The following PCDH9 variants were observed in gnomAD, a reference collection of about 807,000 sequenced individuals.
PCDH9 encodes protocadherin-9.
In PCDH9, 24 loss-of-function variants were observed where a neutral mutation model predicts 70.6. That is an observed-to-expected ratio of 0.34 (90% confidence interval 0.25 to 0.48). The LOEUF is 0.48. PCDH9 is among the 20% of genes least tolerant of loss of function. The pLI, the probability that PCDH9 is intolerant of heterozygous loss-of-function variation, is 0.99. For missense variants in PCDH9, 1,281 were observed against 1,503.6 expected (o/e 0.85, Z 2.45); for synonymous variants, 562 against 558.5 (o/e 1.01, Z -0.09).
At chr13:66,408,922 T>C (rs1056810646) in intron 4 of PCDH9, among the ~76,000 whole-genome samples, 1 of 152,324 alleles carries the variant, frequency 6.6e-6, no homozygotes, top group South Asian at 2.1e-4. Flanking sequence ...GACAAAAATC[T>C]TCCTACTTCT....
intron 4 of PCDH9, among the ~76,000 whole-genome samples, chr13:66,405,930 A>G (rs1593924913): frequency 6.6e-6 from 1 of 152,000 alleles, no homozygotes; most frequent in Non-Finnish European, 1.5e-5. Context: ...ATTATGTATA[A>G]GGGACTGATT....
At chr13:66,988,844 C>T (rs1418783175) in intron 2 of PCDH9, among the ~76,000 whole-genome samples, 3 of 151,974 alleles carry the variant, frequency 2.0e-5, no homozygotes, top group Non-Finnish European at 4.4e-5. Flanking sequence ...GGTCTTGCTA[C>T]TCTTTATCCA....
chr13:67,009,090 C>A (rs2084406255), intron 2 of PCDH9, among the ~76,000 whole-genome samples: 1 of 152,056 alleles, frequency 6.6e-6, no homozygotes, highest in East Asian at 1.9e-4. Context: ...GCCTAACCTT[C>A]TACACAGTGA....
chr13:67,006,685 C>G (rs1019634799), intron 2 of PCDH9, among the ~76,000 whole-genome samples: 4 of 152,098 alleles, frequency 2.6e-5, no homozygotes, highest in African/African-American at 9.7e-5. Context: ...AAAAGTGTCT[C>G]TTTGGGAGTA....
chr13:66,958,952 C>T (rs2083303963), intron 2 of PCDH9, among the ~76,000 whole-genome samples: 1 of 152,170 alleles, frequency 6.6e-6, no homozygotes, highest in South Asian at 2.1e-4. Context: ...TGAAAACTTG[C>T]TGTTGTTTCT....
At chr13:66,696,783 C>CTTTT (rs34598874) in intron 3 of PCDH9, among the ~76,000 whole-genome samples, 1 of 126,124 alleles carries the variant, frequency 7.9e-6, no homozygotes, top group Admixed American at 8.6e-5. Flanking sequence ...TTCAGGCAAA[C>CTTTT]TTTTTTTTTT....
chr13:66,590,371 C>A (rs962770729), intron 4 of PCDH9, among the ~76,000 whole-genome samples: 7 of 151,820 alleles, frequency 4.6e-5, no homozygotes. Context: ...ATAACTCCAA[C>A]TAATATTCTA....
chr13:66,660,051 T>A (rs1376876497), intron 3 of PCDH9, among the ~76,000 whole-genome samples: 2 of 152,198 alleles, frequency 1.3e-5, no homozygotes, highest in Non-Finnish European at 2.9e-5. Context: ...CTTTCTCTTT[T>A]TCTCTCTAGC....
chr13:66,485,283 T>C (rs1316245214), intron 4 of PCDH9, among the ~76,000 whole-genome samples: 1 of 152,240 alleles, frequency 6.6e-6, no homozygotes, highest in African/African-American at 2.4e-5. Context: ...TCACAGTCTT[T>C]TCATGTACTA....
At chr13:66,664,123 GT>G (rs1451949527) in intron 3 of PCDH9, among the ~76,000 whole-genome samples, 3 of 152,182 alleles carry the variant, frequency 2.0e-5, no homozygotes, top group Middle Eastern at 3.2e-3. Flanking sequence ...TTGGCCTACA[GT>G]AATTTCCATC....
intron 4 of PCDH9, among the ~76,000 whole-genome samples, chr13:66,510,951 G>A (rs1959442000): frequency 6.6e-6 from 1 of 152,164 alleles, no homozygotes; most frequent in African/African-American, 2.4e-5. Flanking sequence ...TTAGTTAGGT[G>A]TAAACAACTA....
chr13:67,120,502 T>C (rs2138298198), intron 2 of PCDH9, among the ~76,000 whole-genome samples: 1 of 152,236 alleles, frequency 6.6e-6, no homozygotes. Context: ...CTTCTTTTTT[T>C]CTCCTTTTTG....
At chr13:66,433,120 T>G (rs1957802988) in intron 4 of PCDH9, among the ~76,000 whole-genome samples, 1 of 151,948 alleles carries the variant, frequency 6.6e-6, no homozygotes, top group South Asian at 2.1e-4. Context: ...TCATTTGAAA[T>G]GGAAGACAAA....
intron 3 of PCDH9, among the ~76,000 whole-genome samples, chr13:66,768,690 C>A (rs1038090437): frequency 6.6e-6 from 1 of 152,004 alleles, no homozygotes; most frequent in Non-Finnish European, 1.5e-5. Flanking sequence ...GTACCAGCTA[C>A]CAGAAAGCAA....
chr13:66,815,046 C>G (rs2080577197), intron 3 of PCDH9, among the ~76,000 whole-genome samples: 1 of 152,040 alleles, frequency 6.6e-6, no homozygotes, highest in Non-Finnish European at 1.5e-5. Flanking sequence ...CTATAAGTAA[C>G]TTAAACAAAT....
In PCDH9 at chr13:66,304,260, C is replaced by CAAAAAAAAAAA. The variant is rs55837718; in HGVS notation, c.*384_*394dup. 1.4e-4 allele frequency: 9 copies of CAAAAAAAAAAA among 65,366 alleles called. No homozygotes were observed. The highest frequency in any genetic ancestry group is 6.5e-4 in the South Asian group (1 of 1,546). The allele number at this position is 65,366 out of a possible 1,614,324, so 4.0% of individuals were successfully genotyped here. ...TAGCAGTCCCAGCACAAATCAATGA[C>CAAAAAAAAAAA]AAAAAAAAAAAAAAAAAAAAAAAAA... is the stretch of plus-strand genomic sequence containing the variant. On this transcript the variant is annotated 3_prime_UTR_variant, in exon 5 of 5. Coordinates refer to ENST00000377865, the MANE Select transcript of PCDH9 (RefSeq NM_203487.3).
intron 2 of PCDH9, among the ~76,000 whole-genome samples, chr13:67,025,890 A>G (rs1205755014): frequency 6.6e-6 from 1 of 152,194 alleles, no homozygotes; most frequent in Non-Finnish European, 1.5e-5. Context: ...ATTTATGCAT[A>G]TAAATGTATA....
At chr13:66,801,098 C>A (rs1182099588) in intron 3 of PCDH9, among the ~76,000 whole-genome samples, 3 of 147,766 alleles carry the variant, frequency 2.0e-5, no homozygotes, top group Admixed American at 6.9e-5. Context: ...GGATGTAGGT[C>A]TGTATATATC....
Position 66,416,380 on chromosome 13 carries a change from T to C in PCDH9, c.3341-111352A>G, listed in dbSNP as rs1282338973. 3.3e-5 allele frequency among the ~76,000 whole-genome samples: 5 copies of C among 151,808 alleles called. No individual in the cohort carries two copies. The East Asian group carries it at 9.7e-4, about 29-fold the overall frequency. On this transcript the variant is annotated intron_variant, in intron 4 of 4. Coordinates refer to ENST00000377865, the MANE Select transcript of PCDH9 (RefSeq NM_203487.3). ...AAAACACCAAAATTCCTACATAATCTGCTTCAGATCATATCTAGGACCCCA... is the reference window on the plus strand; with the variant it reads ...AAAACACCAAAATTCCTACATAATCCGCTTCAGATCATATCTAGGACCCCA...
Sources: gnomAD v4.1 joint callset for allele counts (sites outside exome capture counted in the v4.1 genomes callset) on GRCh38, gnomAD v4.1.1 for gene constraint, MANE v1.5 for transcripts, NCBI Gene and HGNC (gene_info 2026-07-23, HGNC 2026-07-21) for gene names.